The following CSMD1 variants were observed in gnomAD, a reference collection of about 807,000 sequenced individuals.
CSMD1 encodes the protein CUB and Sushi multiple domains 1, also known as CUB and sushi domain-containing protein 1.
In CSMD1, 213 loss-of-function variants were observed where a neutral mutation model predicts 417.5. The observed-to-expected ratio is 0.51, with a 90% CI of 0.46 to 0.57. CSMD1 has a LOEUF of 0.57. CSMD1 is among the 20% of genes least tolerant of loss of function. The probability of loss-of-function intolerance (pLI) is 0.00; values close to 1 mark genes in which losing one functional copy is unlikely to be tolerated. For missense variants in CSMD1, 6,923 were observed against 4,529.7 expected (o/e 1.53, Z -15.17); for synonymous variants, 2,862 against 1,736.8 (o/e 1.65, Z -16.11).
rs567692222 is a variant in CSMD1, at chr8:3,602,420, A to G, written c.1097+14290T>C. On this transcript the variant is annotated intron_variant, in intron 8 of 69. Transcript: ENST00000635120. Reference sequence around the variant, plus strand: ...TGAAGAGATTTTAAAGGAATTAGAAAAATTAGGGAGCAGGGGGAATGGCCC... The same window carrying G: ...TGAAGAGATTTTAAAGGAATTAGAAGAATTAGGGAGCAGGGGGAATGGCCC... Among the ~76,000 whole-genome samples, 17 of 152,302 alleles carry G rather than the reference A, an allele frequency of 1.1e-4. No homozygotes were observed. The East Asian group carries it at 3.3e-3, about 29-fold the overall frequency.
intron 7 of CSMD1, chr8:3,702,093 T>C (rs1222281960): frequency 5.3e-5 from 8 of 152,288 alleles, no homozygotes; most frequent in East Asian, 1.9e-4. Context: ...TTTTATAATG[T>C]TGTGTTGTTA....
intron 3 of CSMD1, among the ~76,000 whole-genome samples, chr8:4,344,152 C>T (rs1800643713): frequency 6.6e-6 from 1 of 152,062 alleles, no homozygotes; most frequent in Non-Finnish European, 1.5e-5. Flanking sequence ...CTGAGAAATG[C>T]CTTGTTAATC....
At chr8:4,879,663 G>A (rs545132207) in intron 1 of CSMD1, among the ~76,000 whole-genome samples, 1 of 151,980 alleles carries the variant, frequency 6.6e-6, no homozygotes, top group South Asian at 2.1e-4. Flanking sequence ...AGATAAACTG[G>A]CCCATAGAAA....
chr8:4,146,647 C>T (rs1284123843), intron 3 of CSMD1, among the ~76,000 whole-genome samples: 5 of 118,924 alleles, frequency 4.2e-5, no homozygotes, highest in Non-Finnish European at 8.3e-5. Flanking sequence ...AGTCTCGATC[C>T]GTCCCCCAGG....
chr8:3,892,574 A>T (rs964109913), intron 5 of CSMD1, among the ~76,000 whole-genome samples: 1 of 152,176 alleles, frequency 6.6e-6, no homozygotes, highest in African/African-American at 2.4e-5. Context: ...TACTCTAAGT[A>T]AAACCAGTTA....
At chr8:3,822,141 C>A (rs1195175282) in intron 5 of CSMD1, among the ~76,000 whole-genome samples, 1 of 152,012 alleles carries the variant, frequency 6.6e-6, no homozygotes, top group East Asian at 1.9e-4. Flanking sequence ...AGAGCAAAGA[C>A]GGAACTTCTC....
intron 9 of CSMD1, among the ~76,000 whole-genome samples, chr8:3,577,179 G>T (rs1372316241): frequency 6.6e-6 from 1 of 152,198 alleles, no homozygotes; most frequent in Non-Finnish European, 1.5e-5. Flanking sequence ...CTGCTGTGAA[G>T]CTGGCCCCTC....
In CSMD1 at chr8:4,643,828, C is replaced by T. The variant is rs547383292; in HGVS notation, c.86-6270G>A. Among the ~76,000 whole-genome samples, 6 of 152,232 alleles carry T rather than the reference C, an allele frequency of 3.9e-5. No individual in the cohort carries two copies. In the South Asian group the frequency reaches 8.3e-4, roughly 21 times the overall value. ...AGGACCATGATTTAAAGTGCCGTTCCGGGGACTTCGATTAAGGGTTTTCAG... is the reference window on the plus strand; with the variant it reads ...AGGACCATGATTTAAAGTGCCGTTCTGGGGACTTCGATTAAGGGTTTTCAG... On this transcript the variant is annotated intron_variant, in intron 1 of 69. Coordinates refer to ENST00000635120, the MANE Select transcript of CSMD1 (RefSeq NM_033225.6).
At chr8:4,094,375 G>A (rs1295008423) in intron 3 of CSMD1, among the ~76,000 whole-genome samples, 1 of 152,096 alleles carries the variant, frequency 6.6e-6, no homozygotes, top group Non-Finnish European at 1.5e-5. Context: ...AGGAAAGAGT[G>A]GGTCATATTT....
At position 3,201,517 on chromosome 8, in the gene CSMD1, C is replaced by T. The variant is rs1796993105; in HGVS notation, c.5098+95G>A. On this transcript the variant is annotated intron_variant, in intron 32 of 69. Coordinates refer to ENST00000635120, the MANE Select transcript of CSMD1 (RefSeq NM_033225.6). The stretch of plus-strand genomic sequence containing the variant: ...CAAATTCAAAAATGATTACATTTCT[C>T]ATTCATCAAAACAAAGCAAAAGAAA... 12 of 564,990 alleles carry T rather than the reference C, an allele frequency of 2.1e-5. No homozygotes were observed. The East Asian group carries it at 3.8e-4, about 18-fold the overall frequency. 35.0% of individuals were successfully genotyped at this position (564,990 alleles called of 1,614,324 possible).
At chr8:3,304,209 G>C (rs955064845) in intron 25 of CSMD1, among the ~76,000 whole-genome samples, 3 of 152,022 alleles carry the variant, frequency 2.0e-5, no homozygotes, top group African/African-American at 4.8e-5. Context: ...ATTTTAAAGA[G>C]CTAAATTAAT....
At chr8:3,310,293 G>C (rs1278142346) in intron 23 of CSMD1, among the ~76,000 whole-genome samples, 1 of 152,172 alleles carries the variant, frequency 6.6e-6, no homozygotes, top group Non-Finnish European at 1.5e-5. Flanking sequence ...TTTTCGCAGA[G>C]AGGAAAAAAG....
At chr8:3,259,408 G>A (rs1217763978) in intron 26 of CSMD1, among the ~76,000 whole-genome samples, 1 of 142,692 alleles carries the variant, frequency 7.0e-6, no homozygotes, top group African/African-American at 2.5e-5. Context: ...CAGTAATCCT[G>A]ATGGCCTGAA....
intron 5 of CSMD1, among the ~76,000 whole-genome samples, chr8:3,879,097 A>C (rs1806030339): frequency 6.6e-6 from 1 of 152,146 alleles, no homozygotes; most frequent in Non-Finnish European, 1.5e-5. Context: ...CCAAGCATGT[A>C]GTCATCTTCT....
intron 5 of CSMD1, among the ~76,000 whole-genome samples, chr8:3,882,120 T>A (rs916328296): frequency 6.6e-6 from 1 of 151,886 alleles, no homozygotes; most frequent in Admixed American, 6.6e-5. Context: ...AGCCAGAAAG[T>A]GAGAAAAAAT....
rs1360794731 is a variant in CSMD1, at chr8:3,008,716, T to C, written c.8030-8585A>G. ...ATCTTACTGGCAGACAGGATTTGGC[T>C]TTGTTTAGCTATCCGTACTGTTTCT... On this transcript the variant is annotated intron_variant, in intron 52 of 69. Coordinates refer to ENST00000635120, the MANE Select transcript of CSMD1 (RefSeq NM_033225.6). Among the ~76,000 whole-genome samples, 3 of 152,168 alleles carry C rather than the reference T, an allele frequency of 2.0e-5. No individual in the cohort carries two copies. The East Asian group carries it at 5.8e-4, about 29-fold the overall frequency.
chr8:3,451,236 T>C (rs1055865813), intron 12 of CSMD1, among the ~76,000 whole-genome samples: 1 of 152,200 alleles, frequency 6.6e-6, no homozygotes, highest in Admixed American at 6.5e-5. Flanking sequence ...GATGAGTACA[T>C]TGCAAAACAT....
At chr8:3,133,467 G>A (rs977852747) in intron 41 of CSMD1, among the ~76,000 whole-genome samples, 1 of 152,202 alleles carries the variant, frequency 6.6e-6, no homozygotes, top group Non-Finnish European at 1.5e-5. Flanking sequence ...CTCAGGGGAA[G>A]AGAGGCGCCC....
chr8:4,503,748 A>G (rs1395475251), intron 2 of CSMD1, among the ~76,000 whole-genome samples: 1 of 152,122 alleles, frequency 6.6e-6, no homozygotes, highest in Non-Finnish European at 1.5e-5. Flanking sequence ...AGATTCGGGA[A>G]GCTGGTCTGT....
Sources: gnomAD v4.1 joint callset for allele counts (sites outside exome capture counted in the v4.1 genomes callset) on GRCh38, gnomAD v4.1.1 for gene constraint, MANE v1.5 for transcripts, NCBI Gene and HGNC (gene_info 2026-07-23, HGNC 2026-07-21) for gene names.